FAM184B: variants seen among roughly 807,000 people sequenced by gnomAD.
The protein encoded by FAM184B is protein FAM184B.
A neutral mutation model predicts 135.9 loss-of-function variants in FAM184B; 111 were observed. The observed-to-expected ratio is 0.82, with a 90% CI of 0.70 to 0.96. The LOEUF (loss-of-function observed/expected upper bound fraction) is 0.96. FAM184B is among the 40% of genes least tolerant of loss of function. The pLI, the probability that FAM184B is intolerant of heterozygous loss-of-function variation, is 0.00. For synonymous variants in FAM184B, 552 were observed against 524.8 expected (o/e 1.05, Z -0.71); for missense variants, 1,375 against 1,323.9 (o/e 1.04, Z -0.60).
In FAM184B at chr4:17,781,378, G is replaced by A; in HGVS notation, c.-79C>T. On this transcript the variant is annotated 5_prime_UTR_variant, in exon 1 of 18. Transcript: ENST00000265018. This position sits in a 1 kb window ranked among gnomAD's most constrained non-coding sequence, Gnocchi z 6.5. ...TGCACGTGCGTGCGCGCGCGGGCGT[G>A]CGAGCGTGTGGGTTTCTCGGGAGAG... is the stretch of plus-strand genomic sequence containing the variant. 7.1e-7 allele frequency: 1 copy of A among 1,400,190 alleles called. No homozygotes were observed. The allele number at this position is 1,400,190 out of a possible 1,614,324, so 86.7% of individuals were successfully genotyped here.
chr4:17,663,618 A>ACACACAC lies in FAM184B; in HGVS notation c.1694+937_1694+943dup, dbSNP rs952466288. Among the ~76,000 whole-genome samples, 115 of 6,658 alleles carry ACACACAC rather than the reference A, an allele frequency of 0.017. 2 individuals carry two copies. In the South Asian group the frequency reaches 0.45, roughly 26 times the overall value. 4.4% of individuals were successfully genotyped at this position (6,658 alleles called of 152,430 possible). ...TCAGGAACACAATCCCATTCACAAC[A>ACACACAC]CACACACACACACACACACACACAC... On this transcript the variant is annotated intron_variant, in intron 8 of 17. Transcript: ENST00000265018.
intron 1 of FAM184B, among the ~76,000 whole-genome samples, chr4:17,727,011 C>G (rs1717657795): frequency 6.6e-6 from 1 of 152,136 alleles, no homozygotes; most frequent in Non-Finnish European, 1.5e-5. Flanking sequence ...AAGACTGAGT[C>G]AGGGTACCTG....
chr4:17,660,161 C>T lies in FAM184B; in HGVS notation c.1695-74G>A, dbSNP rs1031192555. Reference sequence around the variant, plus strand: ...TGACACTGCCACTCCGATAACGTGCCAGCCACTGTGCCTGGGAGGAGAAAG... The same window carrying T: ...TGACACTGCCACTCCGATAACGTGCTAGCCACTGTGCCTGGGAGGAGAAAG... On this transcript the variant is annotated intron_variant, in intron 8 of 17. Coordinates refer to ENST00000265018, the MANE Select transcript of FAM184B (RefSeq NM_015688.2). 7 of 1,495,804 alleles carry T rather than the reference C, an allele frequency of 4.7e-6. No homozygotes were observed. The Middle Eastern group carries it at 8.6e-4, about 183-fold the overall frequency. 92.7% of individuals were successfully genotyped at this position (1,495,804 alleles called of 1,614,324 possible). A position where few individuals can be genotyped will look rare whatever the true frequency, so the allele number is the denominator to read the frequency against.
intron 1 of FAM184B, among the ~76,000 whole-genome samples, chr4:17,721,511 A>C (rs1717529643): frequency 6.6e-6 from 1 of 152,170 alleles, no homozygotes; most frequent in Non-Finnish European, 1.5e-5. Flanking sequence ...GGAAGAAAAT[A>C]CTGATAAGGG....
chr4:17,659,909 G>A (rs758645937), intron 9 of FAM184B, 49 bp downstream of exon 9: 2 of 1,541,594 alleles, frequency 1.3e-6, no homozygotes, highest in Non-Finnish European at 1.8e-6. Context: ...GTAAAAAGGA[G>A]GGGGCAGGAT....
intron 13 of FAM184B, among the ~76,000 whole-genome samples, 156 bp from the exon 14 acceptor site, chr4:17,639,552 T>C (rs1193274070): frequency 3.3e-5 from 5 of 152,106 alleles, no homozygotes; most frequent in African/African-American, 1.2e-4. Context: ...AGCTGAAGTC[T>C]CTTGAGTTGT....
At position 17,699,488 on chromosome 4, in the gene FAM184B, A is replaced by C. The variant is rs536402321; in HGVS notation, c.1377+5512T>G. On this transcript the variant is annotated intron_variant, in intron 5 of 17. Transcript: ENST00000265018. ...GAAATATACTATGCACAAGGAAAAG[A>C]AGATAAATGTGGCTGTTAACTTTTC... Among the ~76,000 whole-genome samples the C allele has an allele frequency of 4.2e-4, 64 of 152,286 alleles. 1 individual carries two copies. The South Asian group carries it at 0.012, about 28-fold the overall frequency.
At chr4:17,666,744 A>G (rs1716058826) in intron 7 of FAM184B, among the ~76,000 whole-genome samples, 1 of 151,854 alleles carries the variant, frequency 6.6e-6, no homozygotes, top group African/African-American at 2.4e-5. Context: ...TGACTTGTCC[A>G]CTTTTTAATT....
chr4:17,664,891 T>G (rs1210021146), intron 7 of FAM184B, among the ~76,000 whole-genome samples: 1 of 152,138 alleles, frequency 6.6e-6, no homozygotes, highest in Non-Finnish European at 1.5e-5. Flanking sequence ...GTATCCTGTT[T>G]TTCAGTCTAT....
chr4:17,648,819 A>G (rs1715534328), intron 11 of FAM184B, among the ~76,000 whole-genome samples: 1 of 152,170 alleles, frequency 6.6e-6, no homozygotes, highest in African/African-American at 2.4e-5. Flanking sequence ...GGGGAGAGTA[A>G]GGCCAGAAAC....
rs1266723739 is a variant in FAM184B at position 17,709,346 on chromosome 4, A to G, written c.440T>C (p.Leu147Pro). Residue 147 changes from leucine (L) to proline (P), a missense_variant, in exon 2 of 18, where the codon CTC (leucine) becomes CCC (proline). By Grantham distance (98) the Leu-to-Pro change is moderately conservative. Transcript: ENST00000265018. ...EAEHAERVLTLSREMLELKAD... is the reference protein window; with the variant it reads ...EAEHAERVLTPSREMLELKAD... ...CTTGAGCTCCAGCATTTCCCTGGAG[A>G]GCGTGAGGACTCGCTCGGCGTGCTC... 5.8e-6 allele frequency: 9 copies of G among 1,549,134 alleles called. No individual in the cohort carries two copies. Among genetic ancestry groups the G allele is most frequent in the Non-Finnish European group, 7.9e-6 (9 of 1,145,516 alleles).
chr4:17,770,504 C>T (rs1011511687), intron 1 of FAM184B, among the ~76,000 whole-genome samples: 9 of 152,286 alleles, frequency 5.9e-5, no homozygotes, highest in East Asian at 1.9e-4. Flanking sequence ...CACTCTGCCA[C>T]GCAGGCTGGA....
At chr4:17,708,709 A>ATATATTGT in intron 2 of FAM184B, among the ~76,000 whole-genome samples, 183 bp downstream of exon 2, 1 of 38,840 alleles carries the variant, frequency 2.6e-5, no homozygotes, top group Non-Finnish European at 4.7e-5. Context: ...ATATATATAT[A>ATATATTGT]GTGTCTGTGT....
rs1382374513 is a variant in FAM184B, at chr4:17,709,448, C to T, written c.338G>A (p.Arg113Lys). 1 of 1,525,992 alleles carries T rather than the reference C, an allele frequency of 6.6e-7. No homozygotes were observed. The highest frequency in any genetic ancestry group is 2.1e-5 in the Admixed American group (1 of 47,970). The allele number at this position is 1,525,992 out of a possible 1,614,324, so 94.5% of individuals were successfully genotyped here. Residue 113 changes from arginine (R) to lysine (K), a missense_variant, in exon 2 of 18, where the codon AGG (arginine) becomes AAG (lysine). Physicochemically the swap from Arg to Lys is conservative, Grantham distance 26. Coordinates refer to ENST00000265018, the MANE Select transcript of FAM184B (RefSeq NM_015688.2). ...ALESALELQK[R>K]LTEEALAESA... ...CTCAGCCAGCGCCTCCTCCGTCAGCCTCTTTTGCAGCTCCAGGGCGCTCTC... is the reference window on the plus strand; with the variant it reads ...CTCAGCCAGCGCCTCCTCCGTCAGCTTCTTTTGCAGCTCCAGGGCGCTCTC...
At chr4:17,741,013 A>G (rs1351448367) in intron 1 of FAM184B, among the ~76,000 whole-genome samples, 2 of 152,206 alleles carry the variant, frequency 1.3e-5, no homozygotes, top group African/African-American at 2.4e-5. Flanking sequence ...AGGAAATGGA[A>G]TATATTTCTG....
intron 6 of FAM184B, among the ~76,000 whole-genome samples, chr4:17,689,929 A>G (rs1577261833): frequency 6.6e-6 from 1 of 152,132 alleles, no homozygotes; most frequent in Non-Finnish European, 1.5e-5. Context: ...TGGACAGATC[A>G]CCTGAGGTCA....
At position 17,709,144 on chromosome 4, in the gene FAM184B, G is replaced by C; in HGVS notation, c.642C>G (p.Tyr214Ter). Residue 214 changes from tyrosine to a stop codon, truncating the protein, a stop_gained, in exon 2 of 18, where the codon TAC becomes TAG. Coordinates refer to ENST00000265018, the MANE Select transcript of FAM184B (RefSeq NM_015688.2). LOFTEE classifies it high-confidence loss of function. ...RVENQQLSKD[Y>*]ARKAEELQAT... ...CCTGCAGCTCCTCGGCCTTGCGGGC[G>C]TAGTCCTTGCTCAGCTGCTGGTTCT... The C allele has an allele frequency of 2.6e-6, 4 of 1,548,254 alleles. No homozygotes were observed. The South Asian group carries it at 3.6e-5, about 14-fold the overall frequency.
intron 1 of FAM184B, among the ~76,000 whole-genome samples, chr4:17,768,763 T>G (rs527916491): frequency 3.3e-5 from 5 of 152,290 alleles, no homozygotes; most frequent in Middle Eastern, 3.4e-3. Flanking sequence ...TTTTATCTGA[T>G]ACATAACAGG....
intron 5 of FAM184B, among the ~76,000 whole-genome samples, chr4:17,703,497 C>CA (rs58452045): frequency 0.61 from 90,543 of 149,040 alleles, 27,687 homozygotes; most frequent in East Asian, 0.88. Context: ...GACCCTGTCT[C>CA]AAAAAAAAAC....
Sources: gnomAD v4.1 joint callset for allele counts (sites outside exome capture counted in the v4.1 genomes callset) on GRCh38, gnomAD v4.1.1 for gene constraint, Gnocchi (gnomAD v3.1) non-coding constraint, MANE v1.5 for transcripts, NCBI Gene and HGNC (gene_info 2026-07-23, HGNC 2026-07-21) for gene names.